The following GRIK1 variants were observed in gnomAD, a reference collection of about 807,000 sequenced individuals.
GRIK1 encodes the protein glutamate receptor ionotropic, kainate 1.
Under a neutral mutation model 105.7 loss-of-function variants are expected in GRIK1, and 69 were observed. That is an observed-to-expected ratio of 0.65 (90% CI 0.54 to 0.80). GRIK1 has a LOEUF of 0.80. Ranked by LOEUF, GRIK1 falls within the 30% of genes least tolerant of loss-of-function variation. GRIK1 has a pLI of 0.00. For synonymous variants in GRIK1, 438 were observed against 431.3 expected (o/e 1.02, Z -0.19); for missense variants, 1,109 against 1,167.3 (o/e 0.95, Z 0.73).
chr21:29,741,088 C>T (rs1217663933), intron 1 of GRIK1, among the ~76,000 whole-genome samples: 1 of 152,206 alleles, frequency 6.6e-6, no homozygotes, highest in African/African-American at 2.4e-5. Flanking sequence ...TCTTCCATTG[C>T]CCCTTTGCCA....
chr21:29,841,342 C>T (rs1377434428), intron 1 of GRIK1, among the ~76,000 whole-genome samples: 1 of 152,098 alleles, frequency 6.6e-6, no homozygotes, highest in Non-Finnish European at 1.5e-5. Context: ...TTCTGTTTGG[C>T]AAACACTGCA....
intron 13 of GRIK1, among the ~76,000 whole-genome samples, chr21:29,580,124 TATACACAC>T (rs2090994137): frequency 7.5e-6 from 1 of 133,552 alleles, no homozygotes; most frequent in Non-Finnish European, 1.6e-5. Flanking sequence ...TATATACACA[TATACACAC>T]ATATATATAC....
At position 29,574,848 on chromosome 21, in the gene GRIK1, C is replaced by T. The variant is rs530011017; in HGVS notation, c.2130+2116G>A. Among the ~76,000 whole-genome samples, 267 of 151,292 alleles carry T rather than the reference C, an allele frequency of 1.8e-3. 1 individual carries two copies. Among genetic ancestry groups the T allele is most frequent in the African/African-American group, 6.1e-3 (251 of 40,900 alleles). ...GACTACAGGCGCCCGCCATCACGCC[C>T]GGCTAATATTTTTGTATTTTTTTTT... On this transcript the variant is annotated intron_variant, in intron 14 of 17. Transcript: ENST00000327783.
At chr21:29,851,746 A>G (rs468879) in intron 1 of GRIK1, among the ~76,000 whole-genome samples, 52,977 of 152,080 alleles carry the variant, frequency 0.35, 10,617 homozygotes, top group African/African-American at 0.55. Flanking sequence ...TTAGCTACTT[A>G]AACATTTCCA....
At chr21:29,898,548 G>A (rs1283308816) in intron 1 of GRIK1, among the ~76,000 whole-genome samples, 3 of 152,082 alleles carry the variant, frequency 2.0e-5, no homozygotes, top group Non-Finnish European at 4.4e-5. Context: ...GATTCCATCT[G>A]GAAAAAGATC....
intron 16 of GRIK1, among the ~76,000 whole-genome samples, chr21:29,541,174 G>A (rs959718341): frequency 1.3e-5 from 2 of 152,146 alleles, no homozygotes; most frequent in Non-Finnish European, 2.9e-5. Flanking sequence ...CACCACGTTG[G>A]CCGGGATGGT....
At chr21:29,783,273 T>C (rs1441346393) in intron 1 of GRIK1, among the ~76,000 whole-genome samples, 3 of 151,516 alleles carry the variant, frequency 2.0e-5, no homozygotes, top group Admixed American at 6.6e-5. Context: ...AAGACCTCCA[T>C]CAGGGCAAAA....
At chr21:29,766,224 C>T (rs2065664183) in intron 1 of GRIK1, among the ~76,000 whole-genome samples, 1 of 152,106 alleles carries the variant, frequency 6.6e-6, no homozygotes, top group Non-Finnish European at 1.5e-5. Flanking sequence ...AAACAAAATC[C>T]TTCCAAGCAT....
intron 1 of GRIK1, among the ~76,000 whole-genome samples, chr21:29,729,265 AT>A (rs2064549475): frequency 6.6e-6 from 1 of 152,108 alleles, no homozygotes; most frequent in Non-Finnish European, 1.5e-5. Context: ...GAGGCTGGGC[AT>A]TTCTTATTAT....
intron 1 of GRIK1, among the ~76,000 whole-genome samples, chr21:29,745,038 A>G (rs775402022): frequency 7.9e-5 from 12 of 152,134 alleles, no homozygotes; most frequent in Non-Finnish European, 1.5e-4. Context: ...CTCCTAGACA[A>G]CAGAATACAG....
intron 16 of GRIK1, chr21:29,553,074 G>A (rs1326868060): frequency 1.1e-5 from 2 of 182,036 alleles, no homozygotes; most frequent in Non-Finnish European, 2.1e-5. Context: ...GGAGTTATGT[G>A]TGTACTGTTG....
chr21:29,615,485 T>C (rs1231377571), intron 7 of GRIK1, among the ~76,000 whole-genome samples: 2 of 152,160 alleles, frequency 1.3e-5, no homozygotes, highest in African/African-American at 4.8e-5. Context: ...AATTTTTGTA[T>C]TTTTGTAGAG....
chr21:29,863,732 C>G (rs2068719125), intron 1 of GRIK1, among the ~76,000 whole-genome samples: 1 of 152,088 alleles, frequency 6.6e-6, no homozygotes, highest in Non-Finnish European at 1.5e-5. Flanking sequence ...AAATATGGTT[C>G]ACGGTGGAGG....
At chr21:29,907,148 T>G (rs779163508) in intron 1 of GRIK1, among the ~76,000 whole-genome samples, 1 of 152,034 alleles carries the variant, frequency 6.6e-6, no homozygotes, top group Non-Finnish European at 1.5e-5. Flanking sequence ...TTTGTTTTTG[T>G]TTTTGTTTTT....
At chr21:29,722,174 T>A (rs1243483317) in intron 1 of GRIK1, among the ~76,000 whole-genome samples, 1 of 152,154 alleles carries the variant, frequency 6.6e-6, no homozygotes, top group Non-Finnish European at 1.5e-5. Context: ...TGGTCCTCAC[T>A]GATAATGGAT....
At chr21:29,872,440 G>T (rs940144441) in intron 1 of GRIK1, among the ~76,000 whole-genome samples, 1 of 151,994 alleles carries the variant, frequency 6.6e-6, no homozygotes, top group African/African-American at 2.4e-5. Flanking sequence ...TGATCCGCCC[G>T]CCTCTGCCTC....
intron 1 of GRIK1, among the ~76,000 whole-genome samples, chr21:29,754,707 C>A (rs2065291161): frequency 6.6e-6 from 1 of 152,184 alleles, no homozygotes; most frequent in South Asian, 2.1e-4. Flanking sequence ...CATCTGCAAT[C>A]TGTTCACTTT....
rs540015297 is a variant in GRIK1, at chr21:29,710,661, T to C, written c.119-16598A>G. Among the ~76,000 whole-genome samples the C allele has an allele frequency of 7.3e-3, 1,106 of 152,282 alleles. 16 individuals carry two copies. The highest frequency in any genetic ancestry group is 0.026 in the African/African-American group (1,061 of 41,576). ...CTATTTTTAATTATTTTTCATATAC[T>C]TATTTAAATCATATTATATAACAAT... is the stretch of plus-strand genomic sequence containing the variant. On this transcript the variant is annotated intron_variant, in intron 1 of 17. Transcript: ENST00000327783.
At chr21:29,804,037 A>G (rs1190427431) in intron 1 of GRIK1, among the ~76,000 whole-genome samples, 2 of 152,134 alleles carry the variant, frequency 1.3e-5, no homozygotes, top group African/African-American at 4.8e-5. Flanking sequence ...ACTAAGGCAA[A>G]GGGTTGGAGG....
Sources: allele counts gnomAD v4.1 joint callset (sites outside exome capture counted in the v4.1 genomes callset), GRCh38; gene constraint gnomAD v4.1.1; transcripts MANE v1.5; gene names NCBI Gene and HGNC (gene_info 2026-07-23, HGNC 2026-07-21).